KMT2E: variants seen among roughly 807,000 people sequenced by gnomAD.
KMT2E encodes lysine methyltransferase 2E (inactive), also known as histone reader KMT2E.
A neutral mutation model predicts 184.6 loss-of-function variants in KMT2E; 30 were observed. That is an observed-to-expected ratio of 0.16 (90% CI 0.12 to 0.22). The LOEUF (loss-of-function observed/expected upper bound fraction) is 0.22. KMT2E is among the 10% of genes least tolerant of loss of function. The probability of loss-of-function intolerance (pLI) is 1.00; values close to 1 mark genes in which losing one functional copy is unlikely to be tolerated. For missense variants in KMT2E, 2,023 were observed against 2,237.4 expected, an observed-to-expected ratio of 0.90 and a Z score of 1.93; for synonymous variants, 815 against 776.5, an observed-to-expected ratio of 1.05 and a Z score of -0.82.
rs1357123623 is a variant in KMT2E at position 105,112,225 on chromosome 7, C to T, written c.4469C>T (p.Thr1490Ile). 1.2e-6 allele frequency: 2 copies of T among 1,614,164 alleles called. No individual in the cohort carries two copies. The highest frequency in any genetic ancestry group is 3.3e-5 in the Admixed American group (2 of 60,026). ...PHHSQSPQVG[T>I]PQREPQRNFY... Reference sequence around the variant, plus strand: ...CATTCACAGTCACCTCAAGTTGGAACACCTCAGCGAGAGCCTCAAAGAAAC... The same window carrying T: ...CATTCACAGTCACCTCAAGTTGGAATACCTCAGCGAGAGCCTCAAAGAAAC... The change falls in exon 27 of 27, where the codon ACA (threonine) becomes ATA (isoleucine). Residue 1490 changes from threonine (T) to isoleucine (I), a missense_variant. Physicochemically the swap from Thr to Ile is moderately conservative, Grantham distance 89. Transcript: ENST00000311117.
intron 6 of KMT2E, among the ~76,000 whole-genome samples, chr7:105,067,326 T>A (rs1797073217): frequency 6.6e-6 from 1 of 152,066 alleles, no homozygotes; most frequent in Admixed American, 6.5e-5. Context: ...TATTAAAGAG[T>A]TACTAGATGA....
chr7:105,041,021 A>G lies in KMT2E; in HGVS notation c.69A>G (p.Ser23=). ...CATACTTGGAAATGGCTGCAGGTTC[A>G]GAGTAAGTATTTAAATTGGTTACAT... The part of the protein sequence containing the change: ...ETSYLEMAAG[S]EPESVEASPV... The change falls in exon 3 of 27, where the codon TCA becomes TCG. Residue 23 remains serine, a splice_region_variant and synonymous_variant. Transcript: ENST00000311117. 6.4e-7 allele frequency: 1 copy of G among 1,567,384 alleles called. No homozygotes were observed. The highest frequency in any genetic ancestry group is 2.3e-5 in the East Asian group (1 of 43,704).
chr7:105,090,891 T>A (rs7784126), intron 14 of KMT2E, among the ~76,000 whole-genome samples: 90,185 of 152,010 alleles, frequency 0.59, 28,545 homozygotes, highest in East Asian at 0.92. Flanking sequence ...ACAAACACTT[T>A]TTGAGCACTG....
intron 13 of KMT2E, among the ~76,000 whole-genome samples, chr7:105,088,530 A>G (rs760287467): frequency 1.3e-5 from 2 of 152,378 alleles, no homozygotes; most frequent in South Asian, 2.1e-4. Context: ...TCAACTACTT[A>G]AAACATGCAA....
intron 3 of KMT2E, among the ~76,000 whole-genome samples, chr7:105,059,072 T>G (rs117272418): frequency 8.5e-5 from 13 of 152,340 alleles, no homozygotes; most frequent in Non-Finnish European, 1.5e-4. Context: ...GGATTATGTT[T>G]TGATACATAA....
chr7:105,097,651 G>A (rs1018008355), intron 15 of KMT2E, among the ~76,000 whole-genome samples: 1 of 152,110 alleles, frequency 6.6e-6, no homozygotes, highest in Non-Finnish European at 1.5e-5. Flanking sequence ...GCCTCCCAAA[G>A]TGCTGGGATT....
At chr7:105,052,560 T>G (rs1796391698) in intron 3 of KMT2E, among the ~76,000 whole-genome samples, 2 of 151,862 alleles carry the variant, frequency 1.3e-5, no homozygotes, top group Admixed American at 1.3e-4. Flanking sequence ...TTTTATTTAT[T>G]TTTTATTTTT....
At chr7:105,105,734 A>G in intron 18 of KMT2E, 41 bp downstream of exon 18, 2 of 1,577,788 alleles carry the variant, frequency 1.3e-6, no homozygotes, top group Non-Finnish European at 1.7e-6. Context: ...AATGAGCCAA[A>G]TGCCAACTCA....
At chr7:105,042,784 A>G (rs1795938098) in intron 3 of KMT2E, among the ~76,000 whole-genome samples, 1 of 152,242 alleles carries the variant, frequency 6.6e-6, no homozygotes, top group African/African-American at 2.4e-5. Flanking sequence ...ATAGATTGTA[A>G]GAGAGAGAAA....
intron 1 of KMT2E, among the ~76,000 whole-genome samples, chr7:105,023,475 C>A (rs865841416): frequency 7.4e-6 from 1 of 134,626 alleles, no homozygotes; most frequent in Non-Finnish European, 1.5e-5. Context: ...GATGGAGTGT[C>A]GCTCTGTCGC....
chr7:105,101,438 G>A lies in KMT2E; in HGVS notation c.1736G>A (p.Arg579Lys). The A allele has an allele frequency of 6.5e-6, 10 of 1,545,254 alleles. No individual in the cohort carries two copies. Among genetic ancestry groups the A allele is most frequent in the Non-Finnish European group, 8.6e-6 (10 of 1,156,994 alleles). ...ERKRKMTREE[R>K]KMEAILQAFA... ...TAAATTTCATAGACAAGAGAAGAAA[G>A]AAAAATGGAAGCAATTTTGCAAGCT... The change falls in exon 16 of 27, where the codon AGA (arginine) becomes AAA (lysine). Residue 579 changes from arginine (R) to lysine (K), a missense_variant. Arg to Lys is a conservative substitution (Grantham distance 26). Coordinates refer to ENST00000311117, the MANE Select transcript of KMT2E (RefSeq NM_182931.3).
intron 15 of KMT2E, among the ~76,000 whole-genome samples, chr7:105,098,467 G>A (rs1354271826): frequency 3.3e-5 from 5 of 151,916 alleles, no homozygotes; most frequent in Admixed American, 6.6e-5. Flanking sequence ...GTGCAGTGGC[G>A]CAATCTCAGC....
intron 16 of KMT2E, 85 bp downstream of exon 16, chr7:105,101,674 A>G (rs1798661503): frequency 8.4e-7 from 1 of 1,185,184 alleles, no homozygotes; most frequent in African/African-American, 1.6e-5. Flanking sequence ...TAAGGAATTT[A>G]AAATAATGTC....
chr7:105,030,878 A>G (rs1795382369), intron 1 of KMT2E, among the ~76,000 whole-genome samples: 1 of 152,260 alleles, frequency 6.6e-6, no homozygotes, highest in African/African-American at 2.4e-5. Flanking sequence ...AAATGTAGAC[A>G]GTATCATCAG....
In KMT2E at chr7:105,079,511, C is replaced by CTTTTTTTTTT. The variant is rs66734303; in HGVS notation, c.1248+569_1248+578dup. 1.2e-3 allele frequency among the ~76,000 whole-genome samples: 73 copies of CTTTTTTTTTT among 62,336 alleles called. 5 individuals carry two copies. The highest frequency in any genetic ancestry group is 8.4e-3 in the East Asian group (11 of 1,312). 40.9% of individuals were successfully genotyped at this position (62,336 alleles called of 152,430 possible). On this transcript the variant is annotated intron_variant, in intron 12 of 26. Coordinates refer to ENST00000311117, the MANE Select transcript of KMT2E (RefSeq NM_182931.3). ...CTTATAAGAGGAAATATTGGACTTC[C>CTTTTTTTTTT]TTTTTTTTTTTTTTTTTTTTTTTTT... is the stretch of plus-strand genomic sequence containing the variant.
intron 23 of KMT2E, 55 bp from the exon 24 acceptor site, chr7:105,110,225 A>G: frequency 7.3e-7 from 1 of 1,368,332 alleles, no homozygotes; most frequent in Non-Finnish European, 1.0e-6. Flanking sequence ...TGAAGCAACA[A>G]TGTAACTAGC....
In KMT2E at chr7:105,110,585, T is replaced by C. The variant is rs769151262; in HGVS notation, c.3953T>C (p.Phe1318Ser). ...QLQAKGPVPSFSELMEDPDPE... is the reference protein window; with the variant it reads ...QLQAKGPVPSSSELMEDPDPE... ...CAAGCTAAGGGCCCAGTCCCTTCTT[T>C]CAGTGAACTTATGGAAGGTCAGTAA... The change falls in exon 25 of 27, where the codon TTC (phenylalanine) becomes TCC (serine). Residue 1318 changes from phenylalanine to serine, a missense_variant. By Grantham distance (155) the Phe-to-Ser change is radical (BLOSUM62 -2). This residue lies in a region of KMT2E where 1,108 missense variants were observed against 1,050.9 expected (regional missense o/e 1.05). Transcript: ENST00000311117. 1.2e-6 allele frequency: 2 copies of C among 1,614,180 alleles called. No homozygotes were observed. The highest frequency in any genetic ancestry group is 2.2e-5 in the South Asian group (2 of 91,080).
intron 13 of KMT2E, among the ~76,000 whole-genome samples, 172 bp from the exon 14 acceptor site, chr7:105,089,837 A>G (rs1387164066): frequency 1.3e-5 from 2 of 152,182 alleles, no homozygotes; most frequent in Non-Finnish European, 2.9e-5. Context: ...TATTATTTTA[A>G]TGAAAAAAAT....
In KMT2E at chr7:105,110,863, A is replaced by G. The variant is rs932097874; in HGVS notation, c.4063A>G (p.Ser1355Gly). The change falls in exon 26 of 27, where the codon AGC becomes GGC. Residue 1355 changes from serine (S) to glycine (G), a missense_variant. By Grantham distance (56) the Ser-to-Gly change is moderately conservative. Around this residue, in one of 8 missense-constraint regions of KMT2E, gnomAD observed 1,108 missense variants for 1,050.9 expected, o/e 1.05. Coordinates refer to ENST00000311117, the MANE Select transcript of KMT2E (RefSeq NM_182931.3). ...TACTTGTAAAAGTCCTCCAAAAATG[A>G]GCAAGGTAATAACATTGACCTTTCG... ...QNTCKSPPKM[S>G]KPGSPGSVIP... 2.5e-6 allele frequency: 4 copies of G among 1,609,662 alleles called. No homozygotes were observed. The African/African-American group carries it at 4.0e-5, about 16-fold the overall frequency.
Sources: allele counts gnomAD v4.1 joint callset (sites outside exome capture counted in the v4.1 genomes callset), GRCh38; gene constraint gnomAD v4.1.1; regional missense constraint gnomAD v4.1.1; transcripts MANE v1.5; gene names NCBI Gene and HGNC (gene_info 2026-07-23, HGNC 2026-07-21).